Variants in HECW2 observed in about 807,000 individuals in gnomAD.
HECW2 encodes E3 ubiquitin-protein ligase HECW2.
A neutral mutation model predicts 175.2 loss-of-function variants in HECW2; 61 were observed. The ratio of observed to expected loss-of-function variants is 0.35; its 90% confidence interval spans 0.28 to 0.43. The LOEUF (loss-of-function observed/expected upper bound fraction) is 0.43. HECW2 is among the 20% of genes least tolerant of loss of function. HECW2 has a pLI of 1.00. For missense variants in HECW2, 1,524 were observed against 2,000.5 expected (o/e 0.76, Z 4.54); for synonymous variants, 671 against 731.0 (o/e 0.92, Z 1.32).
intron 1 of HECW2, among the ~76,000 whole-genome samples, chr2:196,527,199 G>T (rs1011614014): frequency 2.6e-5 from 4 of 152,192 alleles, no homozygotes; most frequent in Admixed American, 2.6e-4. Context: ...TTTTTAAGCT[G>T]GTCTGAAAAG....
chr2:196,213,915 G>A (rs78764362), intron 28 of HECW2, among the ~76,000 whole-genome samples: 2,841 of 152,254 alleles, frequency 0.019, 89 homozygotes, highest in African/African-American at 0.065. Context: ...CAAAGATGAA[G>A]TGTTCTCTAA....
At chr2:196,273,065 T>TGAGA (rs1193410732) in intron 16 of HECW2, among the ~76,000 whole-genome samples, 2 of 5,226 alleles carry the variant, frequency 3.8e-4, no homozygotes, top group Admixed American at 4.2e-3. Context: ...TTTTTTTTTT[T>TGAGA]TTTTTTTTTT....
intron 1 of HECW2, among the ~76,000 whole-genome samples, chr2:196,521,302 A>G (rs1053028665): frequency 1.3e-5 from 2 of 150,144 alleles, no homozygotes; most frequent in African/African-American, 2.4e-5. Context: ...AAAAAAAAAA[A>G]AAAAAGAAAG....
intron 2 of HECW2, among the ~76,000 whole-genome samples, chr2:196,407,355 T>C (rs1471889510): frequency 6.6e-6 from 1 of 151,902 alleles, no homozygotes; most frequent in Non-Finnish European, 1.5e-5. Flanking sequence ...CTTTATTCCA[T>C]GGTATAAATA....
At chr2:196,447,053 A>C (rs1239541119) in intron 1 of HECW2, among the ~76,000 whole-genome samples, 3 of 152,206 alleles carry the variant, frequency 2.0e-5, no homozygotes, top group Non-Finnish European at 4.4e-5. Flanking sequence ...CAAAAAACTA[A>C]ATGAATATGC....
chr2:196,522,418 T>C (rs1267140624), intron 1 of HECW2, among the ~76,000 whole-genome samples: 1 of 152,148 alleles, frequency 6.6e-6, no homozygotes, highest in Admixed American at 6.5e-5. Context: ...CTTTCTCCCA[T>C]TCTGTAGGTT....
intron 1 of HECW2, among the ~76,000 whole-genome samples, chr2:196,563,984 T>C (rs946618895): frequency 1.3e-5 from 2 of 152,184 alleles, no homozygotes; most frequent in Admixed American, 6.5e-5. Context: ...CCAGAGACTA[T>C]TTACTAATCA....
At chr2:196,210,963 T>TAA (rs11449151) in intron 28 of HECW2, among the ~76,000 whole-genome samples, 1 of 151,986 alleles carries the variant, frequency 6.6e-6, no homozygotes, top group Non-Finnish European at 1.5e-5. Context: ...GTTATGTTTT[T>TAA]AAAAAATAAT....
At position 196,248,627 on chromosome 2, in the gene HECW2, C is replaced by CAGAGAG. The variant is rs1229374411; in HGVS notation, c.3529+5292_3529+5293insCTCTCT. Among the ~76,000 whole-genome samples, 479 of 148,828 alleles carry CAGAGAG rather than the reference C, an allele frequency of 3.2e-3. 1 individual carries two copies. The highest frequency in any genetic ancestry group is 0.011 in the African/African-American group (432 of 38,938). ...ACACACACACACACACACACACACACACACAGAGAGAGACAGAGAGGAATA... is the reference window on the plus strand; with the variant it reads ...ACACACACACACACACACACACACACAGAGAGACACAGAGAGAGACAGAGAGGAATA... On this transcript the variant is annotated intron_variant, in intron 19 of 28. Transcript: ENST00000644978.
intron 13 of HECW2, among the ~76,000 whole-genome samples, chr2:196,295,309 CA>C (rs1229993739): frequency 6.6e-6 from 1 of 152,158 alleles, no homozygotes; most frequent in Admixed American, 6.5e-5. Flanking sequence ...AACCTAACTT[CA>C]GCTAAGTAAC....
chr2:196,325,140 G>T lies in HECW2; in HGVS notation c.581C>A (p.Ala194Glu). The T allele has an allele frequency of 6.3e-7, 1 of 1,588,066 alleles. No individual in the cohort carries two copies. Among genetic ancestry groups the T allele is most frequent in the Non-Finnish European group, 8.6e-7 (1 of 1,169,182 alleles). ...GAACATCCCTTTCTTTAGCCCAACT[G>T]CCCTAAGATCTTTAAAGAAAGAGGG... ...LVSFTLSDLR[A>E]VGLKKGMFFN... is the part of the protein sequence containing the mutation. The change falls in exon 6 of 29, where the codon GCA becomes GAA. Residue 194 changes from alanine (A) to glutamate (E), a missense_variant. Around this residue, in one of 11 missense-constraint regions of HECW2, gnomAD observed 54 missense variants for 46.8 expected, o/e 1.15. Transcript: ENST00000644978.
intron 15 of HECW2, among the ~76,000 whole-genome samples, chr2:196,278,133 AAT>A (rs71009094): frequency 4.5e-5 from 3 of 66,538 alleles, no homozygotes; most frequent in South Asian, 6.4e-4. Flanking sequence ...ATAATTAAAA[AAT>A]ATATATATAT....
At chr2:196,266,347 T>G (rs985849817) in intron 17 of HECW2, among the ~76,000 whole-genome samples, 1 of 149,632 alleles carries the variant, frequency 6.7e-6, no homozygotes, top group Non-Finnish European at 1.5e-5. Context: ...ACCCCCTGCC[T>G]CAAAAGAAAA....
intron 1 of HECW2, among the ~76,000 whole-genome samples, chr2:196,523,380 G>C (rs1202533548): frequency 6.6e-6 from 1 of 152,014 alleles, no homozygotes; most frequent in Non-Finnish European, 1.5e-5. Flanking sequence ...TTTGGGCTGA[G>C]ACAATGGGGT....
In HECW2 at chr2:196,270,319, TAGA is replaced by T. The variant is rs1689680358; in HGVS notation, c.3335+871_3335+873del. ...GTGGAAAAATCTTGCTTCCCAAACT[TAGA>T]AGGAGAGAAAAGCTTGCCAGGGAAG... On this transcript the variant is annotated intron_variant, in intron 17 of 28. Transcript: ENST00000644978. Among the ~76,000 whole-genome samples, 4 of 152,152 alleles carry T rather than the reference TAGA, an allele frequency of 2.6e-5. No individual in the cohort carries two copies. In the South Asian group the frequency reaches 8.3e-4, roughly 32 times the overall value.
chr2:196,552,958 A>C (rs187640155), intron 1 of HECW2, among the ~76,000 whole-genome samples: 1 of 152,320 alleles, frequency 6.6e-6, no homozygotes, highest in Admixed American at 6.5e-5. Flanking sequence ...ATCCCACCCG[A>C]GGAAAAATGT....
At chr2:196,380,488 T>C (rs1478693661) in intron 2 of HECW2, among the ~76,000 whole-genome samples, 3 of 152,226 alleles carry the variant, frequency 2.0e-5, no homozygotes, top group Admixed American at 2.0e-4. Flanking sequence ...GTCCCTTATG[T>C]GCCCCAAGTG....
chr2:196,275,561 G>A (rs1031122785), intron 15 of HECW2, among the ~76,000 whole-genome samples: 1 of 152,092 alleles, frequency 6.6e-6, no homozygotes, highest in Non-Finnish European at 1.5e-5. Flanking sequence ...AGACCATCCT[G>A]GCCAACATGG....
intron 19 of HECW2, among the ~76,000 whole-genome samples, chr2:196,245,219 C>G (rs1012117140): frequency 3.3e-5 from 5 of 152,180 alleles, no homozygotes; most frequent in African/African-American, 1.2e-4. Context: ...TGTTAAGCGC[C>G]TGCTGTACAT....
Sources: allele counts gnomAD v4.1 joint callset (sites outside exome capture counted in the v4.1 genomes callset), GRCh38; gene constraint gnomAD v4.1.1; regional missense constraint gnomAD v4.1.1; transcripts MANE v1.5; gene names NCBI Gene and HGNC (gene_info 2026-07-23, HGNC 2026-07-21).